The following SYT14 variants were observed in gnomAD, a reference collection of about 807,000 sequenced individuals.
SYT14 encodes synaptotagmin-14.
Under a neutral mutation model 74.2 loss-of-function variants are expected in SYT14, and 32 were observed. The observed-to-expected ratio is 0.43, with a 90% confidence interval of 0.33 to 0.58. The LOEUF (loss-of-function observed/expected upper bound fraction) is 0.58, where lower values mean the gene tolerates loss of function less well. SYT14 is among the 20% of genes least tolerant of loss of function. The pLI is 0.05. For synonymous variants in SYT14, 298 were observed against 337.7 expected (o/e 0.88, Z 1.29); for missense variants, 791 against 981.8 (o/e 0.81, Z 2.60).
In SYT14 at chr1:210,008,793, T is replaced by G. The variant is rs116451917; in HGVS notation, c.-485-4840T>G. ...GATAAATTACATTATCTTATACTTA[T>G]GCAGAATGACTTTCTAAGCAGATTC... is the stretch of plus-strand genomic sequence containing the variant. On this transcript the variant is annotated intron_variant, in intron 2 of 9. Coordinates refer to ENST00000637265, the Ensembl canonical transcript of SYT14. 3.2e-3 allele frequency among the ~76,000 whole-genome samples: 484 copies of G among 152,362 alleles called. 2 individuals are homozygous for G. Among genetic ancestry groups the G allele is most frequent in the Non-Finnish European group, 5.9e-3 (401 of 68,038 alleles).
rs150565486 is a variant in SYT14 at position 209,955,878 on chromosome 1, C to G, written c.-486+3122C>G. ...TCTGTGGACCTGTGAAAATAGAAAC[C>G]AAGTTACCCTCCTATGCATTTCTTC... On this transcript the variant is annotated intron_variant, in intron 2 of 9. Transcript: ENST00000637265. Among the ~76,000 whole-genome samples the G allele has an allele frequency of 3.7e-3, 557 of 152,190 alleles. 2 individuals are homozygous for G. The highest frequency in any genetic ancestry group is 5.9e-3 in the Non-Finnish European group (404 of 68,004).
chr1:210,048,627 T>A (rs1388003668), intron 5 of SYT14, among the ~76,000 whole-genome samples: 1 of 152,032 alleles, frequency 6.6e-6, no homozygotes, highest in Non-Finnish European at 1.5e-5. Context: ...CAAGATGAGA[T>A]TTGGGTTGGG....
chr1:210,054,833 G>C (rs969830820), intron 5 of SYT14, among the ~76,000 whole-genome samples: 2 of 152,198 alleles, frequency 1.3e-5, no homozygotes, highest in Non-Finnish European at 2.9e-5. Context: ...AGGTAGCTGA[G>C]CATTTAACTG....
At chr1:210,145,014 A>G (rs2083001174) in intron 7 of SYT14, among the ~76,000 whole-genome samples, 2 of 152,204 alleles carry the variant, frequency 1.3e-5, no homozygotes, top group African/African-American at 4.8e-5. Flanking sequence ...TAGACTAGTA[A>G]GAAATCAAGG....
intron 5 of SYT14, among the ~76,000 whole-genome samples, chr1:210,030,160 T>G (rs900702482): frequency 5.9e-5 from 9 of 152,206 alleles, no homozygotes; most frequent in Non-Finnish European, 1.0e-4. Context: ...GTTTTTGTTT[T>G]TAATGGAGTC....
At chr1:210,090,057 A>G (rs899685425) in intron 5 of SYT14, among the ~76,000 whole-genome samples, 6 of 152,324 alleles carry the variant, frequency 3.9e-5, no homozygotes, top group Admixed American at 1.3e-4. Context: ...ACAGCGTTAC[A>G]CATGAAGACT....
chr1:210,147,174 A>C (rs1401103215), intron 7 of SYT14, among the ~76,000 whole-genome samples: 1 of 152,096 alleles, frequency 6.6e-6, no homozygotes, highest in African/African-American at 2.4e-5. Flanking sequence ...AAACTACAAA[A>C]AAAAAGAATA....
intron 7 of SYT14, among the ~76,000 whole-genome samples, chr1:210,148,475 C>T (rs771239832): frequency 4.0e-5 from 6 of 149,454 alleles, no homozygotes; most frequent in Non-Finnish European, 8.9e-5. Context: ...CGCCACTGCA[C>T]TCCAGCCTGG....
chr1:210,077,518 T>G (rs770698726), intron 5 of SYT14, among the ~76,000 whole-genome samples: 1 of 152,210 alleles, frequency 6.6e-6, no homozygotes, highest in Non-Finnish European at 1.5e-5. Flanking sequence ...CTTTCTACCT[T>G]TTGGCTACTA....
chr1:210,031,462 C>G (rs1454875238), intron 5 of SYT14, among the ~76,000 whole-genome samples: 2 of 152,088 alleles, frequency 1.3e-5, no homozygotes, highest in African/African-American at 4.8e-5. Flanking sequence ...CTCTACTTCT[C>G]TCTTCTGAAA....
intron 5 of SYT14, among the ~76,000 whole-genome samples, chr1:210,071,668 A>G (rs2081397343): frequency 6.6e-6 from 1 of 152,052 alleles, no homozygotes; most frequent in Non-Finnish European, 1.5e-5. Flanking sequence ...AAAAGATCTC[A>G]TATGTAGTAG....
At chr1:210,074,929 A>T (rs945147999) in intron 5 of SYT14, among the ~76,000 whole-genome samples, 2 of 152,226 alleles carry the variant, frequency 1.3e-5, no homozygotes, top group Non-Finnish European at 2.9e-5. Flanking sequence ...CCCCTGCCTT[A>T]TCGCAAGGAC....
chr1:210,096,805 G>A (rs1204201556), intron 6 of SYT14, among the ~76,000 whole-genome samples: 1 of 152,214 alleles, frequency 6.6e-6, no homozygotes, highest in Admixed American at 6.5e-5. Flanking sequence ...CGTGGCTTGT[G>A]CATTTCATCC....
At chr1:210,113,316 AG>A (rs2082299719) in intron 7 of SYT14, among the ~76,000 whole-genome samples, 2 of 150,774 alleles carry the variant, frequency 1.3e-5, no homozygotes, top group Admixed American at 6.6e-5. Flanking sequence ...TGGGTTGTGG[AG>A]GGGTTGTGGA....
intron 2 of SYT14, among the ~76,000 whole-genome samples, chr1:209,968,800 T>C (rs2079197670): frequency 6.6e-6 from 1 of 151,926 alleles, no homozygotes; most frequent in South Asian, 2.1e-4. Context: ...TAAATGGGTA[T>C]TTTGTGTGAT....
In SYT14 at chr1:210,033,983, GA is replaced by G. The variant is rs375571098; in HGVS notation, c.1312+12731del. 8.1e-3 allele frequency among the ~76,000 whole-genome samples: 1,225 copies of G among 151,776 alleles called. 19 individuals carry two copies. The highest frequency in any genetic ancestry group is 0.028 in the African/African-American group (1,170 of 41,456). ...AAAGATGATGGATTACAATATTTTG[GA>G]AGTCTGAAAAATCTGTATTTTTAGT... On this transcript the variant is annotated intron_variant, in intron 5 of 9. Coordinates refer to ENST00000637265, the Ensembl canonical transcript of SYT14.
At chr1:209,978,587 T>C (rs1438433744) in intron 2 of SYT14, among the ~76,000 whole-genome samples, 1 of 152,152 alleles carries the variant, frequency 6.6e-6, no homozygotes, top group Non-Finnish European at 1.5e-5. Context: ...GAGGAGTACC[T>C]GGCCGTGTGA....
intron 2 of SYT14, among the ~76,000 whole-genome samples, chr1:209,991,857 CAG>C (rs1257803895): frequency 2.0e-5 from 3 of 149,654 alleles, no homozygotes; most frequent in African/African-American, 7.3e-5. Flanking sequence ...AGTCAAATAA[CAG>C]ATATTGACGG....
chr1:209,942,294 C>A (rs192845025), intron 1 of SYT14, among the ~76,000 whole-genome samples: 1 of 149,390 alleles, frequency 6.7e-6, no homozygotes, highest in Admixed American at 6.6e-5. Context: ...AAATGTTAAG[C>A]TTAGGATATT....
Sources: gnomAD v4.1 joint callset for allele counts (sites outside exome capture counted in the v4.1 genomes callset) on GRCh38, gnomAD v4.1.1 for gene constraint, MANE v1.5 for transcripts, NCBI Gene and HGNC (gene_info 2026-07-23, HGNC 2026-07-21) for gene names.